SUGCT: variants seen among roughly 807,000 people sequenced by gnomAD.
SUGCT encodes succinyl-CoA:glutarate CoA-transferase.
SUGCT carries 41 observed loss-of-function variants against 55.0 expected under a neutral mutation model. The observed-to-expected ratio is 0.74, with a 90% confidence interval of 0.58 to 0.97. The LOEUF (loss-of-function observed/expected upper bound fraction) is 0.97. Ranked by LOEUF, SUGCT falls within the 50% of genes least tolerant of loss-of-function variation. The probability of loss-of-function intolerance (pLI) is 0.00; values close to 1 mark genes in which losing one functional copy is unlikely to be tolerated. For synonymous variants in SUGCT, 187 were observed against 200.4 expected (o/e 0.93, Z 0.56); for missense variants, 568 against 547.8 (o/e 1.04, Z -0.37).
At chr7:40,237,975 A>G (rs537349201) in intron 7 of SUGCT, among the ~76,000 whole-genome samples, 41 of 152,330 alleles carry the variant, frequency 2.7e-4, no homozygotes, top group Admixed American at 9.8e-4. Context: ...GAAAAGAGCA[A>G]TGTTTTTAGC....
chr7:40,766,184 G>A, intron 13 of SUGCT, among the ~76,000 whole-genome samples: 1 of 152,078 alleles, frequency 6.6e-6, no homozygotes, highest in East Asian at 1.9e-4. Context: ...GTCAGTCCTG[G>A]TATAACTAAA....
At chr7:40,822,621 G>T (rs1792082261) in intron 13 of SUGCT, among the ~76,000 whole-genome samples, 1 of 152,116 alleles carries the variant, frequency 6.6e-6, no homozygotes. Context: ...TAATAGGAAA[G>T]AGAAATTGCA....
At chr7:40,657,637 C>T (rs915193818) in intron 12 of SUGCT, among the ~76,000 whole-genome samples, 2 of 151,878 alleles carry the variant, frequency 1.3e-5, no homozygotes, top group South Asian at 2.1e-4. Flanking sequence ...CGGGTTCAAG[C>T]GATTCTCCTG....
rs533283745 is a variant in SUGCT, at chr7:40,791,640, G to A, written c.1153+42143G>A. ...TCCATAGGTCCCATGTAAACAAATA[G>A]TCGAATGCTGGCAAGTTTTTACAAT... is the stretch of plus-strand genomic sequence containing the variant. On this transcript the variant is annotated intron_variant, in intron 13 of 13. Transcript: ENST00000335693. 4.9e-4 allele frequency among the ~76,000 whole-genome samples: 74 copies of A among 152,248 alleles called. 3 individuals are homozygous for A. In the South Asian group the frequency reaches 0.015, roughly 30 times the overall value.
the SUGCT span, among the ~76,000 whole-genome samples, chr7:41,017,749 T>TAAC: frequency 1.5e-5 from 2 of 130,944 alleles, no homozygotes; most frequent in Non-Finnish European, 3.1e-5. Context: ...CCAGCCTGGG[T>TAAC]AACAGAGTGA....
intron 12 of SUGCT, among the ~76,000 whole-genome samples, chr7:40,729,038 C>G (rs1323251594): frequency 2.0e-5 from 3 of 152,290 alleles, no homozygotes; most frequent in Non-Finnish European, 4.4e-5. Flanking sequence ...TCAGTAAAGT[C>G]TGACTCTAGA....
At chr7:40,289,531 A>G (rs975427763) in intron 8 of SUGCT, among the ~76,000 whole-genome samples, 2 of 152,124 alleles carry the variant, frequency 1.3e-5, no homozygotes, top group Admixed American at 6.6e-5. Flanking sequence ...ATCTATGACA[A>G]ACCCACAGCC....
At chr7:40,770,863 A>G (rs1789063899) in intron 13 of SUGCT, among the ~76,000 whole-genome samples, 1 of 152,172 alleles carries the variant, frequency 6.6e-6, no homozygotes, top group Admixed American at 6.5e-5. Context: ...TCACTGTGTC[A>G]AATGCCTTTA....
intron 9 of SUGCT, among the ~76,000 whole-genome samples, chr7:40,357,732 TTTTTC>T (rs975319171): frequency 5.3e-5 from 8 of 152,330 alleles, no homozygotes; most frequent in South Asian, 2.1e-4. Context: ...TCTTTTTTCT[TTTTTC>T]TTTTCTTTTT....
At chr7:40,637,490 A>G (rs1456375459) in intron 12 of SUGCT, among the ~76,000 whole-genome samples, 2 of 152,228 alleles carry the variant, frequency 1.3e-5, no homozygotes, top group Non-Finnish European at 2.9e-5. Flanking sequence ...CCCAGACACT[A>G]GGGTAGTTCC....
chr7:40,543,696 A>G (rs895409113), intron 12 of SUGCT, among the ~76,000 whole-genome samples: 1 of 152,234 alleles, frequency 6.6e-6, no homozygotes, highest in Non-Finnish European at 1.5e-5. Flanking sequence ...GGTTTATGTC[A>G]GAAAACACCA....
intron 7 of SUGCT, among the ~76,000 whole-genome samples, chr7:40,248,842 A>C (rs1790089250): frequency 6.6e-6 from 1 of 151,772 alleles, no homozygotes; most frequent in Non-Finnish European, 1.5e-5. Context: ...TATCTATGCA[A>C]ATAAACAAGT....
chr7:40,395,145 A>G (rs1217289835), intron 9 of SUGCT, among the ~76,000 whole-genome samples: 1 of 152,136 alleles, frequency 6.6e-6, no homozygotes, highest in Non-Finnish European at 1.5e-5. Flanking sequence ...GCTGCTACCC[A>G]GCGTGGTCCT....
the SUGCT span, chr7:40,979,773 A>G: frequency 6.6e-6 from 1 of 152,184 alleles, no homozygotes; most frequent in Non-Finnish European, 1.5e-5. Flanking sequence ...GGTATAAGGG[A>G]AATTTTGGAG....
intron 10 of SUGCT, among the ~76,000 whole-genome samples, chr7:40,456,682 G>T (rs1181555559): frequency 6.6e-6 from 1 of 152,088 alleles, no homozygotes; most frequent in Non-Finnish European, 1.5e-5. Flanking sequence ...GCATTAAGAA[G>T]TTGAATTTGA....
At chr7:40,258,108 A>G (rs899815562) in intron 7 of SUGCT, among the ~76,000 whole-genome samples, 2 of 152,080 alleles carry the variant, frequency 1.3e-5, no homozygotes, top group African/African-American at 2.4e-5. Context: ...ATCTATGCAC[A>G]TACTCTCTTT....
chr7:41,007,871 T>A, the SUGCT span, among the ~76,000 whole-genome samples: 1,376 of 152,170 alleles, frequency 9.0e-3, 5 homozygotes, highest in Admixed American at 0.014. Context: ...GTATTTTTTT[T>A]AAATCGTTGT....
At chr7:40,859,801 T>A (rs1481030658) in intron 13 of SUGCT, among the ~76,000 whole-genome samples, 1 of 152,202 alleles carries the variant, frequency 6.6e-6, no homozygotes, top group African/African-American at 2.4e-5. Context: ...CATAACTTCT[T>A]CTACCACCAA....
the SUGCT span, among the ~76,000 whole-genome samples, chr7:40,946,572 T>G: frequency 6.6e-6 from 1 of 152,228 alleles, no homozygotes; most frequent in Admixed American, 6.5e-5. Context: ...GGATTTAAGT[T>G]ACTCTTTTAT....
Sources: gnomAD v4.1 joint callset for allele counts (sites outside exome capture counted in the v4.1 genomes callset) on GRCh38, gnomAD v4.1.1 for gene constraint, MANE v1.5 for transcripts, NCBI Gene and HGNC (gene_info 2026-07-23, HGNC 2026-07-21) for gene names.